The following CPLX1 variants were observed in gnomAD, a reference collection of about 807,000 sequenced individuals.
CPLX1 encodes complexin 1, also known as complexin-1.
Under a neutral mutation model 15.6 loss-of-function variants are expected in CPLX1, and 6 were observed. The observed-to-expected ratio is 0.39, with a 90% CI of 0.21 to 0.76. The LOEUF (loss-of-function observed/expected upper bound fraction) is 0.76, where lower values mean the gene tolerates loss of function less well. Among genes scored for constraint, CPLX1 ranks in the 30% least tolerant of loss-of-function variants. The probability of loss-of-function intolerance (pLI) is 0.43; values close to 1 mark genes in which losing one functional copy is unlikely to be tolerated. For synonymous variants in CPLX1, 91 were observed against 75.2 expected (o/e 1.21, Z -1.08); for missense variants, 242 against 188.6 (o/e 1.28, Z -1.66).
intron 2 of CPLX1, among the ~76,000 whole-genome samples, chr4:800,734 A>AAT (rs60050126): frequency 0.014 from 1,265 of 88,692 alleles, 55 homozygotes; most frequent in Admixed American, 0.099. Context: ...TAAAAAAAAA[A>AAT]ATATATATAT....
At chr4:796,438 A>G (rs1560239760) in intron 2 of CPLX1, among the ~76,000 whole-genome samples, 1 of 152,104 alleles carries the variant, frequency 6.6e-6, no homozygotes, top group African/African-American at 2.4e-5. Flanking sequence ...GGCACGCGCC[A>G]CCACGCCTGG....
intron 2 of CPLX1, among the ~76,000 whole-genome samples, chr4:820,943 T>C (rs1188622031): frequency 6.6e-5 from 10 of 152,106 alleles, no homozygotes; most frequent in Admixed American, 2.0e-4. Flanking sequence ...AACCCTGCAC[T>C]TCCTGCCTGG....
chr4:808,726 T>C (rs1309624656), intron 2 of CPLX1, among the ~76,000 whole-genome samples: 3 of 152,086 alleles, frequency 2.0e-5, no homozygotes, highest in African/African-American at 7.2e-5. Context: ...AGACAGGAAA[T>C]AAGATGGTCA....
At chr4:825,527 T>C (rs2152649455) in intron 1 of CPLX1, among the ~76,000 whole-genome samples, 2 of 151,188 alleles carry the variant, frequency 1.3e-5, no homozygotes, top group African/African-American at 4.9e-5. Flanking sequence ...CCCGCAGGGC[T>C]CCGGCCCCGC....
chr4:790,615 G>T (rs1746140725), intron 3 of CPLX1, among the ~76,000 whole-genome samples: 1 of 152,108 alleles, frequency 6.6e-6, no homozygotes, highest in Admixed American at 6.5e-5. Flanking sequence ...GAATGACATG[G>T]CCTGGAACAG....
intron 2 of CPLX1, among the ~76,000 whole-genome samples, chr4:792,861 C>T (rs1320683829): frequency 6.6e-6 from 1 of 152,124 alleles, no homozygotes; most frequent in Non-Finnish European, 1.5e-5. Context: ...CAGGCAACTC[C>T]GTGGGGGGAG....
intron 2 of CPLX1, among the ~76,000 whole-genome samples, chr4:803,360 A>G (rs1424768202): frequency 1.3e-5 from 2 of 152,100 alleles, no homozygotes; most frequent in East Asian, 3.9e-4. Flanking sequence ...GTGCCCTGGA[A>G]GGCGACAGCA....
chr4:788,299 G>A (rs934036954), intron 3 of CPLX1: 40 of 985,176 alleles, frequency 4.1e-5, no homozygotes, highest in East Asian at 1.1e-4. Context: ...GGGCAGTCTC[G>A]GCACCTCTCC....
intron 2 of CPLX1, among the ~76,000 whole-genome samples, chr4:819,273 G>A (rs1437104404): frequency 6.6e-6 from 1 of 152,200 alleles, no homozygotes; most frequent in Non-Finnish European, 1.5e-5. Flanking sequence ...CCCAAGTTGG[G>A]GCTAAAGTAT....
intron 2 of CPLX1, among the ~76,000 whole-genome samples, chr4:805,788 C>T (rs1746545582): frequency 6.6e-6 from 1 of 152,128 alleles, no homozygotes; most frequent in East Asian, 1.9e-4. Flanking sequence ...GAATTAAGTT[C>T]CAACACAAAC....
intron 2 of CPLX1, among the ~76,000 whole-genome samples, chr4:797,939 A>G (rs1255625251): frequency 6.6e-6 from 1 of 151,700 alleles, no homozygotes; most frequent in Admixed American, 6.6e-5. Context: ...CAAAAAAACA[A>G]AAAGACTTAC....
At chr4:818,798 G>A (rs1243162099) in intron 2 of CPLX1, among the ~76,000 whole-genome samples, 1 of 152,256 alleles carries the variant, frequency 6.6e-6, no homozygotes, top group Non-Finnish European at 1.5e-5. Flanking sequence ...ACCAGGTGCT[G>A]TATTGAAGAG....
chr4:786,612 C>G lies in CPLX1; in HGVS notation c.294G>C (p.Lys98Asn). Residue 98 changes from lysine (K) to asparagine (N), a missense_variant, in exon 4 of 4, where the codon AAG becomes AAC. Lys to Asn is a moderately conservative substitution (Grantham distance 94). Transcript: ENST00000304062. The stretch of plus-strand genomic sequence containing the variant: ...CCCCGCAGCCCGGCGGGATGGCCTT[C>G]TTGGGCCGCGTCAAGCTCCCCTCGG... ...ANSEGSLTRP[K>N]KAIPPGCGDE... 2 of 1,612,634 alleles carry G rather than the reference C, an allele frequency of 1.2e-6. No individual in the cohort carries two copies. The highest frequency in any genetic ancestry group is 1.7e-6 in the Non-Finnish European group (2 of 1,179,464).
intron 2 of CPLX1, chr4:805,055 G>C: frequency 1.9e-6 from 1 of 539,344 alleles, no homozygotes; most frequent in Non-Finnish European, 2.4e-6. Context: ...GCCCTGGCGT[G>C]TGGCTGGAGA....
At chr4:821,997 G>A (rs996674877) in intron 2 of CPLX1, among the ~76,000 whole-genome samples, 4 of 152,156 alleles carry the variant, frequency 2.6e-5, no homozygotes, top group South Asian at 2.1e-4. Flanking sequence ...TCTGACGGGC[G>A]TGCACGTGTG....
chr4:826,050 C>G lies in CPLX1; in HGVS notation c.-84G>C, dbSNP rs866997260. The G allele has an allele frequency of 7.0e-6, 1 of 143,544 alleles. No individual in the cohort carries two copies. Among genetic ancestry groups the G allele is most frequent in the Non-Finnish European group, 1.5e-5 (1 of 65,412 alleles). 8.9% of individuals were successfully genotyped at this position (143,544 alleles called of 1,614,324 possible). A position where few individuals can be genotyped will look rare whatever the true frequency, so the allele number is the denominator to read the frequency against. On this transcript the variant is annotated 5_prime_UTR_variant, in exon 1 of 4. Transcript: ENST00000304062. Reference sequence around the variant, plus strand: ...CTGCGCTCGGGGCGCGGTTACCTTCCCGGGGCGCGGGCGGTCAGCGGCGGG... The same window carrying G: ...CTGCGCTCGGGGCGCGGTTACCTTCGCGGGGCGCGGGCGGTCAGCGGCGGG...
chr4:818,565 G>C (rs912181432), intron 2 of CPLX1, among the ~76,000 whole-genome samples: 5 of 152,286 alleles, frequency 3.3e-5, no homozygotes, highest in Non-Finnish European at 7.3e-5. Context: ...ACCTGAGCTG[G>C]AGCTGGGGTC....
intron 2 of CPLX1, among the ~76,000 whole-genome samples, chr4:821,015 C>T (rs932960328): frequency 5.9e-5 from 9 of 152,192 alleles, no homozygotes; most frequent in African/African-American, 2.2e-4. Flanking sequence ...CCCCCTCACG[C>T]CAAACCCAGG....
At chr4:792,067 C>T (rs1432965503) in intron 3 of CPLX1, among the ~76,000 whole-genome samples, 1 of 152,122 alleles carries the variant, frequency 6.6e-6, no homozygotes, top group Non-Finnish European at 1.5e-5. Flanking sequence ...CTCCCTGAGT[C>T]CTCACTCCAG....
Sources: gnomAD v4.1 joint callset for allele counts (sites outside exome capture counted in the v4.1 genomes callset) on GRCh38, gnomAD v4.1.1 for gene constraint, MANE v1.5 for transcripts, NCBI Gene and HGNC (gene_info 2026-07-23, HGNC 2026-07-21) for gene names.